PDE4B: variants seen among roughly 807,000 people sequenced by gnomAD.
PDE4B encodes the protein 3',5'-cyclic-AMP phosphodiesterase 4B.
In PDE4B, 20 loss-of-function variants were observed where a neutral mutation model predicts 82.2. The ratio of observed to expected loss-of-function variants is 0.24; its 90% CI spans 0.17 to 0.35. The LOEUF is 0.35. Among genes scored for constraint, PDE4B ranks in the 10% least tolerant of loss-of-function variants. The pLI, the probability that PDE4B is intolerant of heterozygous loss-of-function variation, is 1.00. For synonymous variants in PDE4B, 320 were observed against 318.9 expected (o/e 1.00, Z -0.04); for missense variants, 655 against 907.2 (o/e 0.72, Z 3.57).
chr1:66,135,664 A>G (rs900283760), intron 3 of PDE4B, among the ~76,000 whole-genome samples: 2 of 152,192 alleles, frequency 1.3e-5, no homozygotes, highest in Admixed American at 1.3e-4. Context: ...ATACACATTC[A>G]GATGCTGGAA....
chr1:66,105,635 C>T (rs928197189), intron 3 of PDE4B, among the ~76,000 whole-genome samples: 15 of 151,834 alleles, frequency 9.9e-5, no homozygotes, highest in Admixed American at 5.9e-4. Context: ...GTTTGTAGTT[C>T]TCCTTGAAGA....
At chr1:65,849,047 A>T (rs1222771973) in intron 1 of PDE4B, among the ~76,000 whole-genome samples, 2 of 152,176 alleles carry the variant, frequency 1.3e-5, no homozygotes, top group Non-Finnish European at 2.9e-5. Flanking sequence ...GGCTATTAAG[A>T]GGTAAAGAGA....
chr1:66,168,069 G>GA (rs1480163569), intron 3 of PDE4B, among the ~76,000 whole-genome samples: 2 of 152,124 alleles, frequency 1.3e-5, no homozygotes, highest in African/African-American at 4.8e-5. Context: ...TTATTTTCAT[G>GA]AAAATCACTT....
At chr1:66,333,539 G>C (rs1660282838) in intron 8 of PDE4B, among the ~76,000 whole-genome samples, 1 of 152,158 alleles carries the variant, frequency 6.6e-6, no homozygotes. Flanking sequence ...ACATTTCAGA[G>C]TCCCAGTCAT....
At chr1:65,967,893 T>G (rs931570914) in intron 3 of PDE4B, among the ~76,000 whole-genome samples, 1 of 151,946 alleles carries the variant, frequency 6.6e-6, no homozygotes, top group African/African-American at 2.4e-5. Flanking sequence ...GGGGGAGAGA[T>G]AACATTAGGA....
At chr1:66,363,658 T>G in intron 12 of PDE4B, 87 bp downstream of exon 12, 2 of 1,067,736 alleles carry the variant, frequency 1.9e-6, no homozygotes, top group Non-Finnish European at 2.7e-6. Flanking sequence ...GTGCCTGTAG[T>G]CCTAGCTACT....
At chr1:66,201,598 A>G (rs1378013324) in intron 3 of PDE4B, among the ~76,000 whole-genome samples, 1 of 149,998 alleles carries the variant, frequency 6.7e-6, no homozygotes, top group Non-Finnish European at 1.5e-5. Context: ...CGAGTAATTT[A>G]TCCATTTCTT....
intron 7 of PDE4B, chr1:66,267,630 A>T (rs1216432890): frequency 6.6e-6 from 1 of 152,176 alleles, no homozygotes; most frequent in Non-Finnish European, 1.5e-5. Context: ...GATTCTTTTG[A>T]TAAAGTCTTC....
intron 4 of PDE4B, among the ~76,000 whole-genome samples, chr1:66,252,999 T>A (rs1048243776): frequency 2.0e-5 from 3 of 152,148 alleles, no homozygotes; most frequent in African/African-American, 7.2e-5. Flanking sequence ...ACCATCCATA[T>A]AAAAATAAAG....
At chr1:66,259,451 C>G (rs1438793207) in intron 6 of PDE4B, among the ~76,000 whole-genome samples, 4 of 152,156 alleles carry the variant, frequency 2.6e-5, no homozygotes, top group African/African-American at 9.7e-5. Context: ...TAATTATGGA[C>G]TTACTGTTCT....
intron 1 of PDE4B, among the ~76,000 whole-genome samples, chr1:65,852,724 C>T (rs1368108211): frequency 1.3e-5 from 2 of 151,858 alleles, no homozygotes; most frequent in African/African-American, 4.8e-5. Context: ...CTATTGATTT[C>T]TAGTATAACT....
At chr1:65,918,253 A>G (rs971185897) in intron 2 of PDE4B, among the ~76,000 whole-genome samples, 2 of 152,254 alleles carry the variant, frequency 1.3e-5, no homozygotes, top group Non-Finnish European at 2.9e-5. Flanking sequence ...TTGATTTCCA[A>G]AATATATTTT....
At chr1:66,181,684 C>A (rs1647066589) in intron 3 of PDE4B, among the ~76,000 whole-genome samples, 1 of 152,148 alleles carries the variant, frequency 6.6e-6, no homozygotes, top group South Asian at 2.1e-4. Flanking sequence ...AATCTTCTCT[C>A]TACTCCACTT....
At chr1:66,081,516 A>T (rs2100960959) in intron 3 of PDE4B, among the ~76,000 whole-genome samples, 1 of 152,258 alleles carries the variant, frequency 6.6e-6, no homozygotes, top group East Asian at 1.9e-4. Context: ...TTCTAATAAC[A>T]TCTATCTATA....
chr1:65,911,060 T>C (rs1647085058), intron 1 of PDE4B, among the ~76,000 whole-genome samples: 1 of 152,204 alleles, frequency 6.6e-6, no homozygotes, highest in Admixed American at 6.5e-5. Flanking sequence ...AGTCAGGACA[T>C]GTGTCCGATT....
At chr1:66,308,076 G>A (rs1658410200) in intron 7 of PDE4B, among the ~76,000 whole-genome samples, 1 of 152,136 alleles carries the variant, frequency 6.6e-6, no homozygotes, top group Non-Finnish European at 1.5e-5. Context: ...AAGATTGAGT[G>A]AACTGTGTAC....
At chr1:66,005,304 C>A (rs1652089031) in intron 3 of PDE4B, among the ~76,000 whole-genome samples, 2 of 151,616 alleles carry the variant, frequency 1.3e-5, no homozygotes, top group African/African-American at 4.9e-5. Flanking sequence ...CTTTTAGCTT[C>A]CTGCAGAAAG....
intron 1 of PDE4B, among the ~76,000 whole-genome samples, chr1:65,912,594 A>C (rs539143105): frequency 6.6e-6 from 1 of 152,336 alleles, no homozygotes; most frequent in East Asian, 1.9e-4. Context: ...AAACCAGGAA[A>C]TTCAAGCTCT....
intron 7 of PDE4B, among the ~76,000 whole-genome samples, chr1:66,305,781 A>G (rs537689237): frequency 6.6e-6 from 1 of 152,292 alleles, no homozygotes; most frequent in East Asian, 1.9e-4. Context: ...TAAAAATCAT[A>G]TACTAAGTTC....
Sources: allele counts gnomAD v4.1 joint callset (sites outside exome capture counted in the v4.1 genomes callset), GRCh38; gene constraint gnomAD v4.1.1; transcripts MANE v1.5; gene names NCBI Gene and HGNC (gene_info 2026-07-23, HGNC 2026-07-21).